RNF150: variants seen among roughly 807,000 people sequenced by gnomAD.
RNF150 encodes the protein ring finger protein 150.
A neutral mutation model predicts 39.3 loss-of-function variants in RNF150; 24 were observed. The ratio of observed to expected loss-of-function variants is 0.61; its 90% CI spans 0.44 to 0.86. The LOEUF (loss-of-function observed/expected upper bound fraction) is 0.86, where lower values mean the gene tolerates loss of function less well. Ranked by LOEUF, RNF150 falls within the 40% of genes least tolerant of loss-of-function variation. The pLI is 0.00. For synonymous variants in RNF150, 255 were observed against 227.3 expected (o/e 1.12, Z -1.10); for missense variants, 502 against 587.8 (o/e 0.85, Z 1.51).
At chr4:141,102,509 A>G (rs1290401045) in intron 1 of RNF150, among the ~76,000 whole-genome samples, 1 of 152,184 alleles carries the variant, frequency 6.6e-6, no homozygotes, top group Non-Finnish European at 1.5e-5. Flanking sequence ...ATATTAAAAG[A>G]GAGGAAGATA....
chr4:141,053,081 T>C (rs902618167), intron 1 of RNF150, among the ~76,000 whole-genome samples: 3 of 152,134 alleles, frequency 2.0e-5, no homozygotes, highest in Non-Finnish European at 4.4e-5. Context: ...AAATGAAAAG[T>C]GTTTAAATTA....
upstream of RNF150, among the ~76,000 whole-genome samples, chr4:141,138,353 T>C (rs547141941): frequency 6.6e-6 from 1 of 152,294 alleles, no homozygotes; most frequent in South Asian, 2.1e-4. Flanking sequence ...TGTTTAATTC[T>C]TCAGCATATG....
At chr4:140,877,269 T>G (rs957614526) in intron 6 of RNF150, among the ~76,000 whole-genome samples, 1 of 152,330 alleles carries the variant, frequency 6.6e-6, no homozygotes, top group African/African-American at 2.4e-5. Flanking sequence ...TACATTTGTT[T>G]TTGCAGGGAA....
chr4:140,975,641 C>T (rs1733635623), intron 1 of RNF150, among the ~76,000 whole-genome samples: 1 of 152,120 alleles, frequency 6.6e-6, no homozygotes, highest in African/African-American at 2.4e-5. Flanking sequence ...TCCTAATGAG[C>T]TCATGTTCCC....
At chr4:141,124,703 AGTGT>A (rs1301960781) in intron 1 of RNF150, among the ~76,000 whole-genome samples, 3 of 152,182 alleles carry the variant, frequency 2.0e-5, no homozygotes, top group Non-Finnish European at 4.4e-5. Context: ...CATTTTCAAT[AGTGT>A]GTAAGTGGAA....
intron 2 of RNF150, among the ~76,000 whole-genome samples, chr4:140,959,886 C>G (rs1008802106): frequency 6.6e-6 from 1 of 152,032 alleles, no homozygotes; most frequent in Non-Finnish European, 1.5e-5. Context: ...TAGAGTATCT[C>G]AGGCTCAGGC....
chr4:141,033,635 T>A (rs1170534541), intron 1 of RNF150, among the ~76,000 whole-genome samples: 1 of 152,162 alleles, frequency 6.6e-6, no homozygotes, highest in East Asian at 1.9e-4. Context: ...ATTTCTTAAA[T>A]AAGAAGACTT....
chr4:140,958,192 A>G (rs1579003649), intron 2 of RNF150, among the ~76,000 whole-genome samples: 1 of 152,174 alleles, frequency 6.6e-6, no homozygotes, highest in African/African-American at 2.4e-5. Context: ...TTACATGCAA[A>G]TAATGTGCCA....
intron 1 of RNF150, among the ~76,000 whole-genome samples, chr4:141,085,883 T>A (rs543625890): frequency 3.0e-4 from 45 of 152,262 alleles, no homozygotes; most frequent in Non-Finnish European, 5.0e-4. Context: ...AAATCATTTT[T>A]AAAAATTCTA....
rs954315924 is a variant in RNF150, at chr4:140,867,622, G to A, written c.*639C>T. 1 of 152,232 alleles carries A rather than the reference G, an allele frequency of 6.6e-6. No homozygotes were observed. The highest frequency in any genetic ancestry group is 2.4e-5 in the African/African-American group (1 of 41,422). The allele number at this position is 152,232 out of a possible 1,614,324, so 9.4% of individuals were successfully genotyped here. ...TTAGTGTTGGGGTCTCTGGCAGCTG[G>A]GGTTTTTAAAGGCCCACTTAGAAGA... On this transcript the variant is annotated 3_prime_UTR_variant, in exon 7 of 7. Transcript: ENST00000515673.
chr4:141,033,228 ACAATGTT>A (rs1560699950), intron 1 of RNF150, among the ~76,000 whole-genome samples: 1 of 152,218 alleles, frequency 6.6e-6, no homozygotes, highest in Non-Finnish European at 1.5e-5. Flanking sequence ...TGTCATTTCA[ACAATGTT>A]CACATTATCT....
intron 1 of RNF150, among the ~76,000 whole-genome samples, chr4:141,118,621 A>G (rs1417729277): frequency 6.6e-6 from 1 of 152,226 alleles, no homozygotes; most frequent in Non-Finnish European, 1.5e-5. Flanking sequence ...GGTGGTTACC[A>G]AACTGGCCAG....
In RNF150 at chr4:141,007,021, C is replaced by T. The variant is rs572658966; in HGVS notation, c.485-39148G>A. The stretch of plus-strand genomic sequence containing the variant: ...AAAGTTATCTGTACTAGGCTAGCTC[C>T]TAAAAGGCATTTCAAAATTTTCAAT... On this transcript the variant is annotated intron_variant, in intron 1 of 6. Coordinates refer to ENST00000515673, the MANE Select transcript of RNF150 (RefSeq NM_020724.2). 3.5e-4 allele frequency among the ~76,000 whole-genome samples: 54 copies of T among 152,276 alleles called. 1 individual carries two copies. The highest frequency in any genetic ancestry group is 1.1e-3 in the African/African-American group (46 of 41,540).
At chr4:141,080,905 GC>G (rs1268969192) in intron 1 of RNF150, among the ~76,000 whole-genome samples, 1 of 152,230 alleles carries the variant, frequency 6.6e-6, no homozygotes, top group Non-Finnish European at 1.5e-5. Context: ...GGAAGGAACA[GC>G]CGGTGGGCCG....
At chr4:140,962,768 C>T (rs942250829) in intron 2 of RNF150, among the ~76,000 whole-genome samples, 2 of 151,960 alleles carry the variant, frequency 1.3e-5, no homozygotes, top group African/African-American at 4.8e-5. Context: ...TTAATCCTCA[C>T]TGTGACCGTA....
chr4:141,201,212 G>A (rs1181324858), intron 1 of RNF150, among the ~76,000 whole-genome samples: 1 of 151,952 alleles, frequency 6.6e-6, no homozygotes, highest in Non-Finnish European at 1.5e-5. Flanking sequence ...ATATCTGGAT[G>A]CATTCTGGCC....
rs757416152 is a variant in RNF150 at position 140,911,087 on chromosome 4, A to G, written c.1198+57T>C. ...TTTTGAGGAAAGGTATTTTTTTCCA[A>G]TTCCTACAAGGCAACAGTCCTTCTG... is the stretch of plus-strand genomic sequence containing the variant. On this transcript the variant is annotated intron_variant, in intron 6 of 6. Transcript: ENST00000515673. 5.7e-5 allele frequency: 81 copies of G among 1,411,482 alleles called. 1 individual carries two copies. In the South Asian group the frequency reaches 8.2e-4, roughly 14 times the overall value. 87.4% of individuals were successfully genotyped at this position (1,411,482 alleles called of 1,614,324 possible).
At chr4:141,080,565 C>T (rs1371245950) in intron 1 of RNF150, among the ~76,000 whole-genome samples, 3 of 152,182 alleles carry the variant, frequency 2.0e-5, no homozygotes, top group Admixed American at 6.5e-5. Context: ...CTTTCAACAA[C>T]GTCTCCTAGA....
chr4:140,933,886 T>C (rs1014457461), intron 4 of RNF150, among the ~76,000 whole-genome samples: 1 of 152,220 alleles, frequency 6.6e-6, no homozygotes, highest in Non-Finnish European at 1.5e-5. Context: ...ACCAGTCTCA[T>C]CCTACCATAT....
Sources: gnomAD v4.1 joint callset for allele counts (sites outside exome capture counted in the v4.1 genomes callset) on GRCh38, gnomAD v4.1.1 for gene constraint, MANE v1.5 for transcripts, NCBI Gene and HGNC (gene_info 2026-07-23, HGNC 2026-07-21) for gene names.